The following FAM83B variants were observed in gnomAD, a reference collection of about 807,000 sequenced individuals.
FAM83B encodes the protein scaffolding CK1 anchoring protein B, also known as protein FAM83B.
Under a neutral mutation model 38.8 loss-of-function variants are expected in FAM83B, and 26 were observed. That is an observed-to-expected ratio of 0.67 (90% confidence interval 0.49 to 0.93). The LOEUF (loss-of-function observed/expected upper bound fraction) is 0.93. Ranked by LOEUF, FAM83B falls within the 40% of genes least tolerant of loss-of-function variation. The probability of loss-of-function intolerance (pLI) is 0.00; values close to 1 mark genes in which losing one functional copy is unlikely to be tolerated. For missense variants in FAM83B, 1,237 were observed against 1,197.3 expected, an observed-to-expected ratio of 1.03 and a Z score of -0.49; for synonymous variants, 419 against 423.1, an observed-to-expected ratio of 0.99 and a Z score of 0.12.
rs150867132 is a variant in FAM83B at position 54,939,681 on chromosome 6, A to G, written c.735-25A>G. 731 of 1,536,768 alleles carry G rather than the reference A, an allele frequency of 4.8e-4. 3 individuals carry two copies. The African/African-American group carries it at 9.1e-3, about 19-fold the overall frequency. On this transcript the variant is annotated intron_variant, in intron 4 of 4. Coordinates refer to ENST00000306858, the MANE Select transcript of FAM83B (RefSeq NM_001010872.3). Reference sequence around the variant, plus strand: ...GTTATTATCAATCTTTTAAATGATTAAAATTTTTCCATTTTTTTCCCCAGT... The same window carrying G: ...GTTATTATCAATCTTTTAAATGATTGAAATTTTTCCATTTTTTTCCCCAGT...
At chr6:54,931,934 A>C (rs574238464) in intron 4 of FAM83B, among the ~76,000 whole-genome samples, 2 of 136,528 alleles carry the variant, frequency 1.5e-5, no homozygotes, top group South Asian at 2.3e-4. Flanking sequence ...ACATGCTTTG[A>C]TTATCATCTC....
chr6:54,851,678 C>T (rs1303356519), intron 1 of FAM83B, among the ~76,000 whole-genome samples: 1 of 122,592 alleles, frequency 8.2e-6, no homozygotes, highest in Non-Finnish European at 1.6e-5. Flanking sequence ...GACGGAGTCT[C>T]GCTCTGTCGC....
intron 2 of FAM83B, among the ~76,000 whole-genome samples, chr6:54,885,374 A>T (rs1190526530): frequency 1.3e-5 from 2 of 151,748 alleles, no homozygotes; most frequent in Non-Finnish European, 2.9e-5. Flanking sequence ...ATTATTTGTT[A>T]TTTTTGATCC....
At chr6:54,848,511 C>T (rs1035732491) in intron 1 of FAM83B, among the ~76,000 whole-genome samples, 3 of 152,142 alleles carry the variant, frequency 2.0e-5, no homozygotes, top group East Asian at 3.9e-4. Flanking sequence ...ATGTCTTTTA[C>T]GTTTATGCCC....
intron 2 of FAM83B, among the ~76,000 whole-genome samples, chr6:54,884,493 A>G (rs563104578): frequency 6.6e-6 from 1 of 151,518 alleles, no homozygotes; most frequent in Non-Finnish European, 1.5e-5. Context: ...AAAAAAAAAA[A>G]AAAAAAGAAA....
intron 1 of FAM83B, among the ~76,000 whole-genome samples, chr6:54,856,256 G>A (rs983613088): frequency 3.9e-5 from 6 of 152,150 alleles, no homozygotes; most frequent in Admixed American, 3.9e-4. Flanking sequence ...ACCAGTGATA[G>A]CTGCAATACC....
chr6:54,937,517 C>T (rs189457021), intron 4 of FAM83B, among the ~76,000 whole-genome samples: 126 of 152,156 alleles, frequency 8.3e-4, no homozygotes, highest in African/African-American at 3.0e-3. Context: ...ATCCTGTTTA[C>T]AGCTCTTGGC....
intron 4 of FAM83B, among the ~76,000 whole-genome samples, chr6:54,937,981 C>T (rs116176788): frequency 3.8e-4 from 58 of 152,076 alleles, no homozygotes; most frequent in Middle Eastern, 3.4e-3. Flanking sequence ...ACCCATCACC[C>T]AAGCAGTGTA....
intron 2 of FAM83B, among the ~76,000 whole-genome samples, chr6:54,921,026 CA>C (rs1175030476): frequency 2.0e-5 from 3 of 151,856 alleles, no homozygotes; most frequent in African/African-American, 7.2e-5. Context: ...TATGTTAATT[CA>C]ATAAACATTT....
chr6:54,869,605 A>T (rs1337667137), intron 1 of FAM83B, among the ~76,000 whole-genome samples: 3 of 151,776 alleles, frequency 2.0e-5, no homozygotes. Flanking sequence ...ACCTGATCAG[A>T]TTCTTACTCA....
chr6:54,941,252 G>A lies in FAM83B; in HGVS notation c.2281G>A (p.Val761Ile). The A allele has an allele frequency of 6.2e-7, 1 of 1,612,740 alleles. No individual in the cohort carries two copies. ...CAAAGAACTTGCTTCAAAGAAGGAAGTTAAGGGTTCCCCAAGTTTTTTGAA... is the reference window on the plus strand; with the variant it reads ...CAAAGAACTTGCTTCAAAGAAGGAAATTAAGGGTTCCCCAAGTTTTTTGAA... ...SNKELASKKE[V>I]KGSPSFLKKG... The change falls in exon 5 of 5, where the codon GTT becomes ATT. Residue 761 changes from valine (V) to isoleucine (I), a missense_variant. Val to Ile is a conservative substitution (Grantham distance 29). Transcript: ENST00000306858.
intron 2 of FAM83B, among the ~76,000 whole-genome samples, chr6:54,888,052 T>A (rs1162824266): frequency 6.7e-6 from 1 of 150,338 alleles, no homozygotes; most frequent in Non-Finnish European, 1.5e-5. Context: ...TTCACATAGG[T>A]TTTATTATTC....
intron 4 of FAM83B, 116 bp downstream of exon 4, chr6:54,927,748 A>T (rs1773334465): frequency 1.1e-6 from 1 of 945,228 alleles, no homozygotes; most frequent in Non-Finnish European, 1.4e-6. Context: ...AAAAAAAAAA[A>T]AAAAAAGAGA....
intron 2 of FAM83B, among the ~76,000 whole-genome samples, chr6:54,917,905 G>T (rs912491775): frequency 3.9e-5 from 6 of 152,072 alleles, no homozygotes; most frequent in African/African-American, 1.2e-4. Flanking sequence ...AGCCATATCA[G>T]ATGTATCTGT....
At chr6:54,887,955 G>A (rs569163842) in intron 2 of FAM83B, among the ~76,000 whole-genome samples, 2 of 149,456 alleles carry the variant, frequency 1.3e-5, no homozygotes, top group African/African-American at 4.9e-5. Flanking sequence ...GGTATGATTA[G>A]TATATAACAT....
At chr6:54,850,482 C>T (rs1160827847) in intron 1 of FAM83B, among the ~76,000 whole-genome samples, 1 of 152,124 alleles carries the variant, frequency 6.6e-6, no homozygotes, top group Non-Finnish European at 1.5e-5. Context: ...AAAAGGTTTT[C>T]GTTCTTTAAC....
chr6:54,869,819 C>T (rs946118464), intron 1 of FAM83B, among the ~76,000 whole-genome samples: 1 of 152,156 alleles, frequency 6.6e-6, no homozygotes, highest in Non-Finnish European at 1.5e-5. Context: ...TTAATAAATT[C>T]CTGAAAGACC....
intron 2 of FAM83B, among the ~76,000 whole-genome samples, chr6:54,922,819 G>A (rs1159953328): frequency 3.3e-5 from 5 of 151,956 alleles, no homozygotes; most frequent in Non-Finnish European, 7.4e-5. Context: ...TATTCACAAT[G>A]TATCCATTAC....
chr6:54,939,589 T>C (rs1224202202), intron 4 of FAM83B, 117 bp from the exon 5 acceptor site: 2 of 942,928 alleles, frequency 2.1e-6, no homozygotes, highest in Non-Finnish European at 3.0e-6. Flanking sequence ...ATATTCTAAA[T>C]AATGATAGCC....
Sources: allele counts gnomAD v4.1 joint callset (sites outside exome capture counted in the v4.1 genomes callset), GRCh38; gene constraint gnomAD v4.1.1; transcripts MANE v1.5; gene names NCBI Gene and HGNC (gene_info 2026-07-23, HGNC 2026-07-21).